The following TLK1 variants were observed in gnomAD, a reference collection of about 807,000 sequenced individuals.
The protein encoded by TLK1 is tousled like kinase 1.
Under a neutral mutation model 105.3 loss-of-function variants are expected in TLK1, and 24 were observed. The ratio of observed to expected loss-of-function variants is 0.23; its 90% confidence interval spans 0.17 to 0.32. The LOEUF is 0.32. TLK1 is among the 10% of genes least tolerant of loss of function. The pLI, the probability that TLK1 is intolerant of heterozygous loss-of-function variation, is 1.00. For missense variants in TLK1, 558 were observed against 910.5 expected (o/e 0.61, Z 4.98); for synonymous variants, 321 against 310.4 (o/e 1.03, Z -0.36).
intron 6 of TLK1, 28 bp from the exon 7 acceptor site, chr2:171,055,200 T>C: frequency 1.1e-6 from 1 of 943,274 alleles, no homozygotes; most frequent in Non-Finnish European, 1.4e-6. Flanking sequence ...ATTTTTATAT[T>C]AGCAAAAAAA....
chr2:171,094,296 T>G (rs1689361356), intron 2 of TLK1, among the ~76,000 whole-genome samples: 1 of 151,988 alleles, frequency 6.6e-6, no homozygotes, highest in African/African-American at 2.4e-5. Context: ...CATCAAAATA[T>G]GAAGAAATTA....
chr2:170,997,221 T>C (rs1684107190), intron 19 of TLK1, among the ~76,000 whole-genome samples: 1 of 152,110 alleles, frequency 6.6e-6, no homozygotes, highest in Non-Finnish European at 1.5e-5. Flanking sequence ...CCCCTATTGA[T>C]GAAGGGATGG....
chr2:171,120,681 T>A (rs1558953138), intron 1 of TLK1, among the ~76,000 whole-genome samples: 1 of 152,216 alleles, frequency 6.6e-6, no homozygotes, highest in Admixed American at 6.5e-5. Context: ...GGAATCCTTG[T>A]GCATCGCTGG....
intron 1 of TLK1, among the ~76,000 whole-genome samples, chr2:171,209,072 G>A (rs918106818): frequency 6.6e-6 from 1 of 152,194 alleles, no homozygotes; most frequent in Non-Finnish European, 1.5e-5. Context: ...AGCTCTTTAT[G>A]TACTGATAAT....
intron 1 of TLK1, among the ~76,000 whole-genome samples, chr2:171,198,395 T>C (rs981092849): frequency 6.6e-6 from 1 of 152,182 alleles, no homozygotes; most frequent in Admixed American, 6.5e-5. Flanking sequence ...GGCCACTATA[T>C]CTCAATTGGA....
chr2:171,224,920 A>AT (rs1043962901), intron 1 of TLK1, among the ~76,000 whole-genome samples: 8 of 152,188 alleles, frequency 5.3e-5, no homozygotes, highest in South Asian at 4.1e-4. Flanking sequence ...CAGTTAATTG[A>AT]TTTTTTCAAC....
upstream of TLK1, among the ~76,000 whole-genome samples, chr2:171,161,443 A>G (rs1374899619): frequency 6.6e-6 from 1 of 152,152 alleles, no homozygotes; most frequent in Non-Finnish European, 1.5e-5. Flanking sequence ...CCGTCTGCAG[A>G]ATGGGAATAA....
At chr2:171,092,348 A>G (rs975205229) in intron 2 of TLK1, among the ~76,000 whole-genome samples, 1 of 152,218 alleles carries the variant, frequency 6.6e-6, no homozygotes, top group Admixed American at 6.5e-5. Context: ...TTCACACTAC[A>G]TATTTTCACT....
intron 1 of TLK1, among the ~76,000 whole-genome samples, chr2:171,187,019 T>G (rs1338302543): frequency 1.5e-5 from 2 of 129,144 alleles, no homozygotes; most frequent in Non-Finnish European, 3.1e-5. Context: ...GATCATGCCA[T>G]TGCACTCCAG....
intron 1 of TLK1, among the ~76,000 whole-genome samples, chr2:171,226,919 C>G (rs1349367443): frequency 6.6e-6 from 1 of 152,142 alleles, no homozygotes; most frequent in Non-Finnish European, 1.5e-5. Flanking sequence ...AATACATTCT[C>G]AAACAGATTT....
rs1269752849 is a variant in TLK1 at position 170,993,513 on chromosome 2, G to A, written c.*267C>T. 4 of 315,026 alleles carry A rather than the reference G, an allele frequency of 1.3e-5. No individual in the cohort carries two copies. Among genetic ancestry groups the A allele is most frequent in the Non-Finnish European group, 2.3e-5 (4 of 176,014 alleles). 19.5% of individuals were successfully genotyped at this position (315,026 alleles called of 1,614,324 possible). A position where few individuals can be genotyped will look rare whatever the true frequency, so the allele number is the denominator to read the frequency against. ...AATTTTTTTCCTCTATCTTAACATGGTATTCCTGTTTCTGTGTAACAGGCA... is the reference window on the plus strand; with the variant it reads ...AATTTTTTTCCTCTATCTTAACATGATATTCCTGTTTCTGTGTAACAGGCA... On this transcript the variant is annotated 3_prime_UTR_variant, in exon 21 of 21. Coordinates refer to ENST00000431350, the MANE Select transcript of TLK1 (RefSeq NM_012290.5).
chr2:171,049,748 T>C (rs1242256799), intron 10 of TLK1, 66 bp downstream of exon 10: 10 of 1,585,744 alleles, frequency 6.3e-6, no homozygotes, highest in African/African-American at 5.4e-5. Context: ...TACAAATCTA[T>C]AATCTTTTAA....
At chr2:171,062,434 T>C (rs1016513341) in intron 3 of TLK1, among the ~76,000 whole-genome samples, 12 of 152,222 alleles carry the variant, frequency 7.9e-5, no homozygotes, top group African/African-American at 2.7e-4. Context: ...ACACATATTG[T>C]TCCTCTAAGT....
intron 2 of TLK1, among the ~76,000 whole-genome samples, chr2:171,107,424 C>G (rs575848958): frequency 1.6e-4 from 24 of 152,096 alleles, no homozygotes; most frequent in South Asian, 8.3e-4. Context: ...TGATCCTTGC[C>G]TTAATCAATA....
intron 11 of TLK1, among the ~76,000 whole-genome samples, chr2:171,038,773 T>C (rs1237309920): frequency 6.6e-6 from 1 of 152,214 alleles, no homozygotes; most frequent in Non-Finnish European, 1.5e-5. Flanking sequence ...TTATAGTCAA[T>C]ATTTTTAAAA....
In TLK1 at chr2:171,070,974, G is replaced by T. The variant is rs144874146; in HGVS notation, c.331-9818C>A. ...CTGGATAAAAGCCATTTTAACTGGG[G>T]TGAGATGATATCTCATTGTAATTTT... is the stretch of plus-strand genomic sequence containing the variant. On this transcript the variant is annotated intron_variant, in intron 3 of 20. Transcript: ENST00000431350. 2.8e-3 allele frequency among the ~76,000 whole-genome samples: 420 copies of T among 152,270 alleles called. 2 individuals carry two copies. Among genetic ancestry groups the T allele is most frequent in the African/African-American group, 9.9e-3 (412 of 41,548 alleles).
At chr2:171,092,839 A>G (rs1304478005) in intron 2 of TLK1, among the ~76,000 whole-genome samples, 1 of 152,136 alleles carries the variant, frequency 6.6e-6, no homozygotes, top group Non-Finnish European at 1.5e-5. Flanking sequence ...TGAAGCAACT[A>G]GATGGGTACA....
chr2:171,083,216 A>G (rs1228717411), intron 2 of TLK1, among the ~76,000 whole-genome samples: 2 of 152,136 alleles, frequency 1.3e-5, no homozygotes, highest in Non-Finnish European at 2.9e-5. Context: ...TGAAAGTATT[A>G]TTTGGGCTCT....
At chr2:171,172,797 C>T (rs769437277) in intron 1 of TLK1, among the ~76,000 whole-genome samples, 3 of 152,194 alleles carry the variant, frequency 2.0e-5, no homozygotes, top group African/African-American at 7.2e-5. Context: ...GCTTCCTGTA[C>T]AGCCTGCAGA....
Sources: allele counts gnomAD v4.1 joint callset (sites outside exome capture counted in the v4.1 genomes callset), GRCh38; gene constraint gnomAD v4.1.1; transcripts MANE v1.5; gene names NCBI Gene and HGNC (gene_info 2026-07-23, HGNC 2026-07-21).